VPS13A: variants seen among roughly 807,000 people sequenced by gnomAD.
VPS13A encodes vacuolar protein sorting 13 homolog A.
A neutral mutation model predicts 390.9 loss-of-function variants in VPS13A; 264 were observed. The ratio of observed to expected loss-of-function variants is 0.68; its 90% CI spans 0.61 to 0.75. The LOEUF (loss-of-function observed/expected upper bound fraction) is 0.75, where lower values mean the gene tolerates loss of function less well. Ranked by LOEUF, VPS13A falls within the 30% of genes least tolerant of loss-of-function variation. The probability of loss-of-function intolerance (pLI) is 0.00; values close to 1 mark genes in which losing one functional copy is unlikely to be tolerated. For synonymous variants in VPS13A, 1,231 were observed against 1,227.1 expected, an observed-to-expected ratio of 1.00 and a Z score of -0.07; for missense variants, 3,409 against 3,733.9, an observed-to-expected ratio of 0.91 and a Z score of 2.27.
At chr9:77,364,705 A>T (rs1832340282) in intron 59 of VPS13A, among the ~76,000 whole-genome samples, 1 of 152,092 alleles carries the variant, frequency 6.6e-6, no homozygotes, top group Non-Finnish European at 1.5e-5. Context: ...CGCTTTTCTT[A>T]CCAAATTCTT....
At chr9:77,316,432 T>C in intron 39 of VPS13A, 26 bp downstream of exon 39, 1 of 1,591,608 alleles carries the variant, frequency 6.3e-7, no homozygotes, top group Non-Finnish European at 8.6e-7. Context: ...GATCATCTGC[T>C]TAATTGTAAC....
chr9:77,389,162 T>C (rs141938408), intron 68 of VPS13A, among the ~76,000 whole-genome samples: 142 of 152,302 alleles, frequency 9.3e-4, no homozygotes, highest in Admixed American at 2.7e-3. Context: ...GACTCAAAAG[T>C]ATAAATTGCC....
chr9:77,264,459 C>T (rs1825924689), intron 23 of VPS13A, among the ~76,000 whole-genome samples: 1 of 152,152 alleles, frequency 6.6e-6, no homozygotes, highest in African/African-American at 2.4e-5. Context: ...TTTGTGTCCT[C>T]TCTTATTTCT....
chr9:77,236,736 A>T (rs1824168064), intron 17 of VPS13A, among the ~76,000 whole-genome samples: 1 of 152,236 alleles, frequency 6.6e-6, no homozygotes, highest in African/African-American at 2.4e-5. Flanking sequence ...TAGAGAAGAC[A>T]ATTTGCAGAC....
chr9:77,341,638 A>G (rs1470098498), intron 50 of VPS13A, among the ~76,000 whole-genome samples: 1 of 77,148 alleles, frequency 1.3e-5, no homozygotes, highest in African/African-American at 5.2e-5. Flanking sequence ...GCTCTTTTAT[A>G]TTTTCCAACT....
chr9:77,386,492 T>C (rs1174558698), intron 68 of VPS13A, among the ~76,000 whole-genome samples: 1 of 110,962 alleles, frequency 9.0e-6, no homozygotes, highest in Non-Finnish European at 1.9e-5. Context: ...CTTAAGAATT[T>C]ATCGGAAAAA....
chr9:77,351,691 A>T (rs1831475647), intron 53 of VPS13A, among the ~76,000 whole-genome samples: 1 of 152,162 alleles, frequency 6.6e-6, no homozygotes, highest in Non-Finnish European at 1.5e-5. Flanking sequence ...CAATATGGTG[A>T]AACTCCGTCT....
In VPS13A at chr9:77,332,036, G is replaced by T. The variant is rs201300715; in HGVS notation, c.6018G>T (p.Leu2006=). 2.5e-6 allele frequency: 4 copies of T among 1,611,100 alleles called. No homozygotes were observed. In the East Asian group the frequency reaches 9.0e-5, roughly 36 times the overall value. The stretch of plus-strand genomic sequence containing the variant: ...TAAGAAATCATTTTTCAGTCCCACT[G>T]TCTGTTTACGAAGGGGATACCTTAT... ...VQIRNHFSVP[L]SVYEGDTLLG... Residue 2006 remains leucine (L), a synonymous_variant, in exon 46 of 72, where the codon CTG becomes CTT. Coordinates refer to ENST00000360280, the MANE Select transcript of VPS13A (RefSeq NM_033305.3).
intron 68 of VPS13A, among the ~76,000 whole-genome samples, chr9:77,401,013 G>A (rs759622048): frequency 6.6e-6 from 1 of 152,028 alleles, no homozygotes; most frequent in East Asian, 1.9e-4. Flanking sequence ...CTAATTTGAA[G>A]TGCTGTCTTC....
Position 77,227,422 on chromosome 9 carries a change from A to G in VPS13A, c.1389A>G (p.Lys463=), listed in dbSNP as rs757969227. 6.2e-7 allele frequency: 1 copy of G among 1,613,628 alleles called. No individual in the cohort carries two copies. The highest frequency in any genetic ancestry group is 1.1e-5 in the South Asian group (1 of 91,058). ...TLEEMLTPEE[K]ALLYEAIGYS... ...AAGAAATGTTGACACCTGAAGAAAA[A>G]GCTTTACTCTATGAAGCAATTGGCT... Residue 463 remains lysine (K), a synonymous_variant, in exon 16 of 72, where the codon AAA becomes AAG. Transcript: ENST00000360280.
At chr9:77,374,161 A>G (rs1307332223) in intron 67 of VPS13A, among the ~76,000 whole-genome samples, 1 of 152,066 alleles carries the variant, frequency 6.6e-6, no homozygotes, top group Non-Finnish European at 1.5e-5. Flanking sequence ...ATAAGTTGTT[A>G]TAGTAGTCCC....
At chr9:77,414,391 A>G (rs1835075009) in intron 71 of VPS13A, among the ~76,000 whole-genome samples, 1 of 152,198 alleles carries the variant, frequency 6.6e-6, no homozygotes, top group Non-Finnish European at 1.5e-5. Flanking sequence ...CATATACACC[A>G]TGGAATACTA....
In VPS13A at chr9:77,420,054, G is replaced by T. The variant is rs1240755196; in HGVS notation, c.*4048G>T. 1.3e-5 allele frequency: 2 copies of T among 151,980 alleles called. No homozygotes were observed. Among genetic ancestry groups the T allele is most frequent in the African/African-American group, 4.8e-5 (2 of 41,354 alleles). 9.4% of individuals were successfully genotyped at this position (151,980 alleles called of 1,614,324 possible). ...CTTAGTCAATCTGATTTTTTTTGGT[G>T]CTTTTCAGTATAGCGCAACTCTAAA... On this transcript the variant is annotated 3_prime_UTR_variant, in exon 72 of 72. Transcript: ENST00000360280.
chr9:77,346,995 A>C (rs1831193729), intron 52 of VPS13A, among the ~76,000 whole-genome samples: 1 of 152,136 alleles, frequency 6.6e-6, no homozygotes, highest in Admixed American at 6.5e-5. Flanking sequence ...ATTGGCTGTA[A>C]GTATTTGGCT....
chr9:77,413,106 A>G (rs1186300200), intron 71 of VPS13A, among the ~76,000 whole-genome samples: 3 of 152,248 alleles, frequency 2.0e-5, no homozygotes, highest in Admixed American at 1.3e-4. Context: ...GGATACAAAC[A>G]AATGGAAGAA....
chr9:77,404,094 A>G (rs1834494588), intron 69 of VPS13A, among the ~76,000 whole-genome samples: 1 of 152,142 alleles, frequency 6.6e-6, no homozygotes, highest in African/African-American at 2.4e-5. Context: ...TTCTTATTTA[A>G]AAAGTAACAC....
At chr9:77,380,855 T>C (rs2131611628) in intron 67 of VPS13A, among the ~76,000 whole-genome samples, 1 of 152,252 alleles carries the variant, frequency 6.6e-6, no homozygotes, top group East Asian at 1.9e-4. Context: ...GACAATAGGG[T>C]TCGCCTTCTT....
chr9:77,185,227 C>T (rs1215523715), intron 1 of VPS13A, among the ~76,000 whole-genome samples: 3 of 151,984 alleles, frequency 2.0e-5, no homozygotes, highest in African/African-American at 7.2e-5. Flanking sequence ...CTGCAACCTC[C>T]GCCTCCCGGG....
At chr9:77,250,066 C>T (rs1825069492) in intron 20 of VPS13A, 31 bp from the exon 21 acceptor site, 1 of 1,610,688 alleles carries the variant, frequency 6.2e-7, no homozygotes, top group African/African-American at 1.3e-5. Flanking sequence ...AAGTATTTTG[C>T]ATAGTCTAAA....
Sources: gnomAD v4.1 joint callset for allele counts (sites outside exome capture counted in the v4.1 genomes callset) on GRCh38, gnomAD v4.1.1 for gene constraint, MANE v1.5 for transcripts, NCBI Gene and HGNC (gene_info 2026-07-23, HGNC 2026-07-21) for gene names.